The following RERE variants were observed in gnomAD, a reference collection of about 807,000 sequenced individuals.
The protein encoded by RERE is arginine-glutamic acid dipeptide repeats protein.
In RERE, 40 loss-of-function variants were observed where a neutral mutation model predicts 146.1. The observed-to-expected ratio is 0.27, with a 90% CI of 0.21 to 0.36. The LOEUF is 0.36. Ranked by LOEUF, RERE falls within the 10% of genes least tolerant of loss-of-function variation. RERE has a pLI of 1.00. For synonymous variants in RERE, 1,003 were observed against 866.0 expected, an observed-to-expected ratio of 1.16 and a Z score of -2.78; for missense variants, 1,933 against 2,138.7, an observed-to-expected ratio of 0.90 and a Z score of 1.90.
Position 8,352,753 on chromosome 1 carries a change from A to G in RERE, c.*2334T>C, listed in dbSNP as rs530597853. On this transcript the variant is annotated 3_prime_UTR_variant, in exon 23 of 23. Coordinates refer to ENST00000400908, the MANE Select transcript of RERE (RefSeq NM_001042681.2). ...GACACCATGAAGGTCAGGGCCTCCT[A>G]AACAAACTGTAGTTTATCTGGTGAG... 3 of 152,500 alleles carry G rather than the reference A, an allele frequency of 2.0e-5. No homozygotes were observed. The highest frequency in any genetic ancestry group is 1.3e-4 in the Admixed American group (2 of 15,292). 9.4% of individuals were successfully genotyped at this position (152,500 alleles called of 1,614,324 possible).
At chr1:8,484,038 T>C (rs933293166) in intron 10 of RERE, among the ~76,000 whole-genome samples, 7 of 152,192 alleles carry the variant, frequency 4.6e-5, no homozygotes, top group African/African-American at 1.4e-4. Flanking sequence ...CCAGGAAAGA[T>C]ACCTGAGCCC....
intron 7 of RERE, among the ~76,000 whole-genome samples, chr1:8,536,460 G>A (rs537914264): frequency 2.6e-5 from 4 of 152,264 alleles, no homozygotes; most frequent in South Asian, 2.1e-4. Flanking sequence ...ATATAACCAC[G>A]TCCCTATGGT....
In RERE at chr1:8,691,694, G is replaced by A. The variant is rs2124419043; in HGVS notation, c.-144-35253C>T. On this transcript the variant is annotated intron_variant, in intron 1 of 22. Transcript: ENST00000400908. ...AGTCCCTGATAAAAATAAAGTTAAGGACCTGTAACAAGAATTAATGAACTA... is the reference window on the plus strand; with the variant it reads ...AGTCCCTGATAAAAATAAAGTTAAGAACCTGTAACAAGAATTAATGAACTA... Among the ~76,000 whole-genome samples, 2 of 152,238 alleles carry A rather than the reference G, an allele frequency of 1.3e-5. 1 individual carries two copies. The highest frequency in any genetic ancestry group is 4.1e-4 in the South Asian group (2 of 4,824).
In RERE at chr1:8,417,349, T is replaced by C. The variant is rs114441039; in HGVS notation, c.1284+5378A>G. On this transcript the variant is annotated intron_variant, in intron 12 of 22. Transcript: ENST00000400908. ...AAAAGTACAGTTAATGGCCAGTAGT[T>C]ACGTACGTATTTAATAGAATTCATT... 4.3e-3 allele frequency among the ~76,000 whole-genome samples: 654 copies of C among 152,340 alleles called. 7 individuals are homozygous for C. The highest frequency in any genetic ancestry group is 0.015 in the African/African-American group (613 of 41,574).
In RERE at chr1:8,484,557, G is replaced by A. The variant is rs1048797469; in HGVS notation, c.1104+10506C>T. Among the ~76,000 whole-genome samples the A allele has an allele frequency of 4.0e-5, 6 of 151,734 alleles. No individual in the cohort carries two copies. In the Middle Eastern group the frequency reaches 0.01, roughly 258 times the overall value. On this transcript the variant is annotated intron_variant, in intron 10 of 22. Coordinates refer to ENST00000400908, the MANE Select transcript of RERE (RefSeq NM_001042681.2). ...TCCTGCCTCAGCCTCCCAAGTAGCT[G>A]GGATTACAGGCGCCACCATCACGTC...
chr1:8,783,270 G>C (rs940581059), intron 1 of RERE, among the ~76,000 whole-genome samples: 1 of 152,066 alleles, frequency 6.6e-6, no homozygotes, highest in African/African-American at 2.4e-5. Flanking sequence ...GGGAGGTCAA[G>C]GCTGCAGTGA....
chr1:8,565,910 G>GA (rs1312324687), intron 4 of RERE, among the ~76,000 whole-genome samples: 14 of 152,104 alleles, frequency 9.2e-5, no homozygotes, highest in Non-Finnish European at 2.9e-5. Flanking sequence ...TGGGTAAGGG[G>GA]AAAAACTGAA....
At position 8,501,375 on chromosome 1, in the gene RERE, G is replaced by C. The variant is rs1304622789; in HGVS notation, c.880-3846C>G. ...CCCGGCCAGCCGCCCAGTCCGGGAG[G>C]AAGGTGGGGGGTCAGCCCCCCGCCC... On this transcript the variant is annotated intron_variant, in intron 8 of 22. Coordinates refer to ENST00000400908, the MANE Select transcript of RERE (RefSeq NM_001042681.2). 1.4e-4 allele frequency among the ~76,000 whole-genome samples: 12 copies of C among 88,482 alleles called. No homozygotes were observed. In the South Asian group the frequency reaches 4.5e-3, roughly 33 times the overall value. The allele number at this position is 88,482 out of a possible 152,430, so 58.0% of individuals were successfully genotyped here.
At chr1:8,428,666 A>G (rs1158457761) in intron 11 of RERE, 3 of 152,198 alleles carry the variant, frequency 2.0e-5, no homozygotes, top group South Asian at 2.1e-4. Flanking sequence ...TTTTCGCTAC[A>G]GTGGAAAGAA....
chr1:8,569,079 A>T (rs1404118985), intron 4 of RERE, among the ~76,000 whole-genome samples: 1 of 152,196 alleles, frequency 6.6e-6, no homozygotes, highest in Non-Finnish European at 1.5e-5. Context: ...GTATTCTCCC[A>T]GCAGCTCTGG....
chr1:8,396,197 G>C (rs1211350389), intron 12 of RERE, among the ~76,000 whole-genome samples: 1 of 152,160 alleles, frequency 6.6e-6, no homozygotes, highest in African/African-American at 2.4e-5. Flanking sequence ...GAGGGGGGAA[G>C]GGCTGCTGTG....
chr1:8,715,662 G>C (rs1639750412), intron 1 of RERE, among the ~76,000 whole-genome samples: 1 of 152,150 alleles, frequency 6.6e-6, no homozygotes, highest in Admixed American at 6.5e-5. Flanking sequence ...CTAGCACTTT[G>C]GGAGGCCACA....
intron 11 of RERE, among the ~76,000 whole-genome samples, chr1:8,441,329 AC>A: frequency 6.6e-6 from 1 of 152,338 alleles, no homozygotes; most frequent in East Asian, 1.9e-4. Flanking sequence ...CTGAGAAGGC[AC>A]ACGCTCCTGT....
At chr1:8,794,230 T>C (rs1474941970) in intron 1 of RERE, among the ~76,000 whole-genome samples, 1 of 150,836 alleles carries the variant, frequency 6.6e-6, no homozygotes, top group Non-Finnish European at 1.5e-5. Flanking sequence ...AAACTCCGTC[T>C]CTACTAAAAA....
intron 2 of RERE, among the ~76,000 whole-genome samples, chr1:8,624,970 A>C (rs1646957426): frequency 6.6e-6 from 1 of 152,214 alleles, no homozygotes; most frequent in African/African-American, 2.4e-5. Context: ...TTCTAACTGT[A>C]AACAAAAACA....
At chr1:8,400,158 A>AT (rs532750152) in intron 12 of RERE, among the ~76,000 whole-genome samples, 75 of 150,874 alleles carry the variant, frequency 5.0e-4, no homozygotes, top group Non-Finnish European at 8.6e-4. Flanking sequence ...AAGTGTCTAC[A>AT]TTTTTAATAT....
intron 1 of RERE, among the ~76,000 whole-genome samples, chr1:8,743,111 T>C (rs1640344109): frequency 6.6e-6 from 1 of 151,980 alleles, no homozygotes; most frequent in Admixed American, 6.6e-5. Flanking sequence ...TGCAGTCTAT[T>C]CGAGCTGGGC....
At chr1:8,525,927 T>TATG (rs1347016165) in intron 7 of RERE, 8 of 1,384,874 alleles carry the variant, frequency 5.8e-6, no homozygotes, top group Non-Finnish European at 7.5e-6. Context: ...GAGCTTGTGC[T>TATG]ATGACCTAAG....
At chr1:8,710,758 G>A (rs1330877506) in intron 1 of RERE, among the ~76,000 whole-genome samples, 1 of 151,986 alleles carries the variant, frequency 6.6e-6, no homozygotes, top group African/African-American at 2.4e-5. Flanking sequence ...CTCTTGATCC[G>A]CCTGCCTCAG....
Sources: allele counts gnomAD v4.1 joint callset (sites outside exome capture counted in the v4.1 genomes callset), GRCh38; gene constraint gnomAD v4.1.1; transcripts MANE v1.5; gene names NCBI Gene and HGNC (gene_info 2026-07-23, HGNC 2026-07-21).